ERMP1: variants seen among roughly 807,000 people sequenced by gnomAD.
The protein encoded by ERMP1 is endoplasmic reticulum metallopeptidase 1, also known as Felix-ina.
A neutral mutation model predicts 92.0 loss-of-function variants in ERMP1; 86 were observed. The ratio of observed to expected loss-of-function variants is 0.93; its 90% CI spans 0.79 to 1.12. The LOEUF is 1.12. ERMP1 is among the 50% of genes most tolerant of loss of function. ERMP1 has a pLI of 0.00. For synonymous variants in ERMP1, 530 were observed against 412.8 expected (o/e 1.28, Z -3.44); for missense variants, 1,342 against 1,116.3 (o/e 1.20, Z -2.88).
chr9:5,829,444 C>T (rs1829855671), intron 2 of ERMP1, among the ~76,000 whole-genome samples: 1 of 152,060 alleles, frequency 6.6e-6, no homozygotes, highest in African/African-American at 2.4e-5. Flanking sequence ...CAAATTTGGC[C>T]TGCTATAAGT....
At chr9:5,829,830 C>T (rs1157417933) in intron 2 of ERMP1, among the ~76,000 whole-genome samples, 1 of 152,184 alleles carries the variant, frequency 6.6e-6, no homozygotes. Flanking sequence ...CACTAAAATG[C>T]TATGCCATTG....
intron 6 of ERMP1, chr9:5,856,117 G>T: frequency 5.6e-6 from 2 of 359,516 alleles, no homozygotes; most frequent in South Asian, 2.7e-5. Context: ...TCTTCAAACA[G>T]ATCACTAAAT....
In ERMP1 at chr9:5,833,048, A is replaced by G. The variant is rs771101005; in HGVS notation, c.-21T>C. 6.9e-7 allele frequency: 1 copy of G among 1,459,588 alleles called. No homozygotes were observed. Among genetic ancestry groups the G allele is most frequent in the Non-Finnish European group, 9.0e-7 (1 of 1,115,118 alleles). The allele number at this position is 1,459,588 out of a possible 1,614,324, so 90.4% of individuals were successfully genotyped here. On this transcript the variant is annotated 5_prime_UTR_variant, in exon 1 of 15. Coordinates refer to ENST00000339450, the MANE Select transcript of ERMP1 (RefSeq NM_024896.3). ...TCCATGGCCACGAGCCTCAGCTGCC[A>G]GCCCAACCGCCCCAACCCGCGACAG... is the stretch of plus-strand genomic sequence containing the variant.
intron 4 of ERMP1, among the ~76,000 whole-genome samples, chr9:5,813,849 T>C (rs1301958242): frequency 6.7e-6 from 1 of 148,824 alleles, no homozygotes; most frequent in Admixed American, 6.7e-5. Flanking sequence ...ATACATTGTT[T>C]TATAATTTAT....
chr9:5,810,226 T>TA lies in ERMP1; in HGVS notation c.1332dup (p.Asn445Ter). 2 of 1,612,452 alleles carry TA rather than the reference T, an allele frequency of 1.2e-6. No individual in the cohort carries two copies. Among genetic ancestry groups the TA allele is most frequent in the Non-Finnish European group, 1.7e-6 (2 of 1,178,898 alleles). On this transcript the variant is annotated frameshift_variant, in exon 8 of 15. Transcript: ENST00000339450. LOFTEE classifies it high-confidence loss of function. ...CCACACAAGAAGTCCTTCTTGTAGTTACCAGCTAATGAAGAGAAAACAAAA... is the reference window on the plus strand; with the variant it reads ...CCACACAAGAAGTCCTTCTTGTAGTTAACCAGCTAATGAAGAGAAAACAAAA...
intron 6 of ERMP1, among the ~76,000 whole-genome samples, chr9:5,845,440 G>C (rs1337148924): frequency 6.6e-6 from 1 of 152,074 alleles, no homozygotes. Flanking sequence ...AAGTTTGAGG[G>C]AGTGGGGAGG....
intron 6 of ERMP1, among the ~76,000 whole-genome samples, chr9:5,839,717 G>A (rs558415602): frequency 3.3e-5 from 5 of 151,882 alleles, no homozygotes; most frequent in Admixed American, 6.6e-5. Context: ...CTTGGCTTTC[G>A]GGCTGCATGA....
chr9:5,865,424 C>T (rs1586854835), intron 5 of ERMP1, among the ~76,000 whole-genome samples: 1 of 151,868 alleles, frequency 6.6e-6, no homozygotes, highest in Non-Finnish European at 1.5e-5. Context: ...AGGAGAATGG[C>T]GTGAGCCCGG....
intron 5 of ERMP1, among the ~76,000 whole-genome samples, chr9:5,859,671 C>A (rs1465577173): frequency 1.3e-5 from 2 of 152,208 alleles, no homozygotes; most frequent in Admixed American, 6.5e-5. Context: ...GCTATCCCAA[C>A]TTACCCATAA....
chr9:5,815,494 C>CAAAAAA (rs3068691), intron 4 of ERMP1, among the ~76,000 whole-genome samples: 7 of 97,400 alleles, frequency 7.2e-5, no homozygotes, highest in African/African-American at 1.3e-4. Flanking sequence ...ACTGAAATAA[C>CAAAAAA]AAAAAAAAAA....
intron 6 of ERMP1, among the ~76,000 whole-genome samples, chr9:5,850,254 A>C (rs1186568419): frequency 6.6e-6 from 1 of 151,774 alleles, no homozygotes; most frequent in Non-Finnish European, 1.5e-5. Context: ...AAAATACAAA[A>C]ATTAGTTGGG....
At chr9:5,856,439 G>C (rs1415930186) in intron 6 of ERMP1, 1 of 167,004 alleles carries the variant, frequency 6.0e-6, no homozygotes, top group Non-Finnish European at 1.3e-5. Flanking sequence ...CCTTTGGGAG[G>C]AGTGGGGTGG....
chr9:5,824,108 A>C, intron 3 of ERMP1, 107 bp from the exon 4 acceptor site: 1 of 779,174 alleles, frequency 1.3e-6, no homozygotes, highest in East Asian at 2.6e-5. Flanking sequence ...AGGAATATGA[A>C]AACAAAATAA....
chr9:5,858,898 G>A (rs1352723790), intron 6 of ERMP1, among the ~76,000 whole-genome samples: 1 of 152,202 alleles, frequency 6.6e-6, no homozygotes, highest in African/African-American at 2.4e-5. Context: ...CAGGCTTCAA[G>A]CAGTGGTTCC....
intron 6 of ERMP1, among the ~76,000 whole-genome samples, chr9:5,849,615 A>T (rs1270417819): frequency 6.6e-6 from 1 of 152,194 alleles, no homozygotes; most frequent in East Asian, 1.9e-4. Flanking sequence ...GTATTTGTAG[A>T]CTCAGATCAC....
At chr9:5,824,150 T>A in intron 3 of ERMP1, 149 bp from the exon 4 acceptor site, 1 of 646,764 alleles carries the variant, frequency 1.5e-6, no homozygotes, top group South Asian at 1.9e-5. Context: ...CAAAGACATC[T>A]TCTGCTTCTT....
intron 6 of ERMP1, among the ~76,000 whole-genome samples, chr9:5,858,134 G>C (rs945217931): frequency 1.6e-4 from 24 of 152,212 alleles, no homozygotes; most frequent in African/African-American, 5.8e-4. Flanking sequence ...GGAACAAGTA[G>C]GGCAGTGAGC....
upstream of ERMP1, among the ~76,000 whole-genome samples, chr9:5,836,931 C>T (rs1019286984): frequency 2.0e-5 from 3 of 152,096 alleles, no homozygotes; most frequent in Admixed American, 2.0e-4. Flanking sequence ...TACTTTTAAC[C>T]CCCCCTCAAA....
rs1250169014 is a variant in ERMP1, at chr9:5,823,972, G to A, written c.798C>T (p.Pro266=). The A allele has an allele frequency of 1.2e-6, 2 of 1,614,042 alleles. No individual in the cohort carries two copies. The highest frequency in any genetic ancestry group is 1.7e-6 in the Non-Finnish European group (2 of 1,179,948). Residue 266 remains proline, a synonymous_variant, in exon 4 of 15, where the codon CCC becomes CCT. Coordinates refer to ENST00000339450, the MANE Select transcript of ERMP1 (RefSeq NM_024896.3). Reference sequence around the variant, plus strand: ...TGAATGCACGAATCAAGCTAGCCCAGGGGTGCTGAGTAATGAAACCATGAC... The same window carrying A: ...TGAATGCACGAATCAAGCTAGCCCAAGGGTGCTGAGTAATGAAACCATGAC... ...QASHGFITQH[P]WASLIRAFIN...
Sources: allele counts gnomAD v4.1 joint callset (sites outside exome capture counted in the v4.1 genomes callset), GRCh38; gene constraint gnomAD v4.1.1; transcripts MANE v1.5; gene names NCBI Gene and HGNC (gene_info 2026-07-23, HGNC 2026-07-21).